The following ATG4A variants were observed in gnomAD, a reference collection of about 807,000 sequenced individuals.
ATG4A encodes cysteine protease ATG4A.
In ATG4A, 22 loss-of-function variants were observed where a neutral mutation model predicts 38.4. The observed-to-expected ratio is 0.57, with a 90% CI of 0.41 to 0.82. The LOEUF is 0.82. ATG4A is among the 40% of genes least tolerant of loss of function. The pLI is 0.00. For synonymous variants in ATG4A, 86 were observed against 100.7 expected (o/e 0.85, Z 0.88); for missense variants, 220 against 290.0 (o/e 0.76, Z 1.75).
chrX:108,142,507 C>CAT (rs780808343), intron 9 of ATG4A, among the ~76,000 whole-genome samples: 7 of 106,709 alleles, frequency 6.6e-5, no homozygotes, highest in Non-Finnish European at 1.4e-4. Context: ...AACATACATA[C>CAT]ACACACACAC....
chrX:108,091,332 C>G (rs2031610055), upstream of ATG4A: 1 of 995,322 alleles, frequency 1.0e-6, no homozygotes, highest in African/African-American at 1.9e-5. Flanking sequence ...GGGGCCTCCG[C>G]TAGGGCCGGG....
chrX:108,103,366 G>A lies in ATG4A; in HGVS notation c.10+11530G>A, dbSNP rs776903736. On this transcript the variant is annotated intron_variant, in intron 1 of 12. Transcript: ENST00000372232. ...TTGTGTATTTTTGGAACTATCATTG[G>A]AGATTAGATGACTGTATATGTATGG... 2.7e-5 allele frequency among the ~76,000 whole-genome samples: 3 copies of A among 111,888 alleles called. No homozygotes were observed. The South Asian group carries it at 1.1e-3, about 42-fold the overall frequency.
intron 1 of ATG4A, among the ~76,000 whole-genome samples, chrX:108,113,242 G>A (rs1003742554): frequency 7.2e-5 from 8 of 111,804 alleles, no homozygotes; most frequent in African/African-American, 1.3e-4. Flanking sequence ...ACACTGCAGC[G>A]CTCTCCAATT....
chrX:108,112,229 T>TCTTA (rs1157882892), intron 1 of ATG4A, among the ~76,000 whole-genome samples: 2 of 111,617 alleles, frequency 1.8e-5, no homozygotes, highest in Middle Eastern at 4.2e-3. Flanking sequence ...AAATAGTAGA[T>TCTTA]CTTACTCATT....
At chrX:108,135,131 C>T (rs1455764689) in intron 6 of ATG4A, among the ~76,000 whole-genome samples, 3 of 112,216 alleles carry the variant, frequency 2.7e-5, no homozygotes, top group Admixed American at 9.4e-5. Flanking sequence ...GACCACCTTA[C>T]CTGTTGTCAC....
chrX:108,151,033 C>T (rs981961595), intron 10 of ATG4A, among the ~76,000 whole-genome samples: 3 of 112,457 alleles, frequency 2.7e-5, no homozygotes, highest in African/African-American at 3.2e-5. Flanking sequence ...ACTCTTTCCC[C>T]TGTTTCCTTC....
chrX:108,092,782 T>C (rs1051005257), intron 1 of ATG4A, among the ~76,000 whole-genome samples: 1 of 111,672 alleles, frequency 9.0e-6, no homozygotes, highest in African/African-American at 3.3e-5. Context: ...GGGGATAATA[T>C]TTTGCTTAAT....
chrX:108,089,833 C>CA (rs999936760), upstream of ATG4A, among the ~76,000 whole-genome samples: 1 of 110,364 alleles, frequency 9.1e-6, no homozygotes, highest in African/African-American at 3.3e-5. Flanking sequence ...AACTCTGTTT[C>CA]AAAAAATAAA....
rs60886281 is a variant in ATG4A at position 108,148,020 on chromosome X, AATATATATATATATATAT to A, written c.815-2093_815-2076del. On this transcript the variant is annotated intron_variant, in intron 9 of 12. Transcript: ENST00000372232. ...CTCTAGAGGGACAGAACTAATGGAA[AATATATATATATATATAT>A]ATATATATATATATATATATATATA... Among the ~76,000 whole-genome samples the A allele has an allele frequency of 1.7e-3, 140 of 80,136 alleles. 2 individuals are homozygous for A. The highest frequency in any genetic ancestry group is 5.4e-3 in the African/African-American group (112 of 20,581). The allele number at this position is 80,136 out of a possible 115,157, so 69.6% of individuals were successfully genotyped here.
chrX:108,134,384 G>T lies in ATG4A; in HGVS notation c.440G>T (p.Gly147Val). 8.3e-7 allele frequency: 1 copy of T among 1,210,898 alleles called. No individual in the cohort carries two copies. Among genetic ancestry groups the T allele is most frequent in the South Asian group, 1.8e-5 (1 of 56,760 alleles). Residue 147 changes from glycine to valine, a missense_variant, in exon 6 of 13, where the codon GGA (glycine) becomes GTA (valine). By Grantham distance (109) the Gly-to-Val change is moderately radical. Around this residue, in one of 3 missense-constraint regions of ATG4A, gnomAD observed 159 missense variants for 188.9 expected, o/e 0.84. Coordinates refer to ENST00000372232, the MANE Select transcript of ATG4A (RefSeq NM_052936.5). Reference sequence around the variant, plus strand: ...GGGAAATCAATTGGAGAATGGTTTGGACCAAATACAGTTGCACAGGTGTTA... The same window carrying T: ...GGGAAATCAATTGGAGAATGGTTTGTACCAAATACAGTTGCACAGGTGTTA... ...GEGKSIGEWF[G>V]PNTVAQVLKK...
At chrX:108,123,498 C>CTA (rs1569305871) in intron 1 of ATG4A, among the ~76,000 whole-genome samples, 1 of 112,091 alleles carries the variant, frequency 8.9e-6, no homozygotes, top group Non-Finnish European at 1.9e-5. Context: ...TCTTTCCTCC[C>CTA]TAGACCCCCA....
intron 11 of ATG4A, among the ~76,000 whole-genome samples, chrX:108,152,482 C>T (rs949403697): frequency 2.7e-5 from 3 of 111,664 alleles, no homozygotes; most frequent in African/African-American, 6.5e-5. Context: ...CTGCCCACCT[C>T]GGCCTCCCAA....
chrX:108,130,342 C>A (rs777289206), intron 3 of ATG4A, among the ~76,000 whole-genome samples: 46 of 112,314 alleles, frequency 4.1e-4, no homozygotes, highest in African/African-American at 1.4e-3. Flanking sequence ...AATATCCTCT[C>A]TGCCATACAA....
chrX:108,109,856 C>T (rs768497399), intron 1 of ATG4A, among the ~76,000 whole-genome samples: 2 of 111,753 alleles, frequency 1.8e-5, no homozygotes, highest in East Asian at 5.6e-4. Context: ...CAGTACCATA[C>T]TTTTTTGATT....
chrX:108,122,161 G>C (rs890462762), intron 1 of ATG4A, among the ~76,000 whole-genome samples: 1 of 112,154 alleles, frequency 8.9e-6, no homozygotes, highest in African/African-American at 3.2e-5. Flanking sequence ...ATGTCATGAG[G>C]TATAAGTGTT....
intron 9 of ATG4A, chrX:108,143,744 C>G (rs2033360000): frequency 4.3e-6 from 1 of 231,914 alleles, no homozygotes; most frequent in African/African-American, 3.0e-5. Context: ...GAACAGGAAG[C>G]AAAAATTTTG....
At chrX:108,152,307 G>T (rs894590530) in intron 11 of ATG4A, among the ~76,000 whole-genome samples, 1 of 111,050 alleles carries the variant, frequency 9.0e-6, no homozygotes, top group Admixed American at 9.6e-5. Flanking sequence ...GGATCTGGGT[G>T]CACTGCAACC....
At chrX:108,130,610 A>G (rs1385037512) in intron 3 of ATG4A, among the ~76,000 whole-genome samples, 1 of 112,295 alleles carries the variant, frequency 8.9e-6, no homozygotes, top group Non-Finnish European at 1.9e-5. Context: ...CTCAGTTCTT[A>G]CAATACCCAC....
chrX:108,144,675 A>G (rs951189887), intron 9 of ATG4A, among the ~76,000 whole-genome samples: 4 of 112,008 alleles, frequency 3.6e-5, no homozygotes, highest in African/African-American at 1.3e-4. Flanking sequence ...GAGGTCACCC[A>G]TTGGTGAGTA....
Sources: allele counts gnomAD v4.1 joint callset (sites outside exome capture counted in the v4.1 genomes callset), GRCh38; gene constraint gnomAD v4.1.1; regional missense constraint gnomAD v4.1.1; transcripts MANE v1.5; gene names NCBI Gene and HGNC (gene_info 2026-07-23, HGNC 2026-07-21).